The following TLN2 variants were observed in gnomAD, a reference collection of about 807,000 sequenced individuals.
The protein encoded by TLN2 is talin 2, also known as talin-2.
In TLN2, 118 loss-of-function variants were observed where a neutral mutation model predicts 294.7. That is an observed-to-expected ratio of 0.40 (90% CI 0.34 to 0.47). TLN2 has a LOEUF of 0.47. Among genes scored for constraint, TLN2 ranks in the 20% least tolerant of loss-of-function variants. TLN2 has a pLI of 0.84. For synonymous variants in TLN2, 1,431 were observed against 1,304.5 expected (o/e 1.10, Z -2.09); for missense variants, 3,083 against 3,282.2 (o/e 0.94, Z 1.48).
At chr15:62,581,151 A>AT (rs2044976733) in intron 1 of TLN2, among the ~76,000 whole-genome samples, 1 of 152,148 alleles carries the variant, frequency 6.6e-6, no homozygotes, top group Non-Finnish European at 1.5e-5. Flanking sequence ...AAGTGCCATG[A>AT]TTACAGGTGT....
intron 1 of TLN2, among the ~76,000 whole-genome samples, chr15:62,448,817 T>A (rs1298361788): frequency 6.6e-6 from 1 of 152,320 alleles, no homozygotes; most frequent in Non-Finnish European, 1.5e-5. Flanking sequence ...ACTGACCTAG[T>A]TTAAAATGTT....
intron 1 of TLN2, among the ~76,000 whole-genome samples, chr15:62,421,489 C>T (rs2034387850): frequency 1.3e-5 from 2 of 152,130 alleles, no homozygotes; most frequent in South Asian, 4.1e-4. Flanking sequence ...GAATACTATA[C>T]AGCCATAAAA....
chr15:62,450,559 G>A (rs1322274373), intron 1 of TLN2, among the ~76,000 whole-genome samples: 197 of 145,216 alleles, frequency 1.4e-3, no homozygotes, highest in Admixed American at 4.2e-3. Context: ...GTGTGTGTGT[G>A]TGTGTGTGTG....
chr15:62,604,239 G>A (rs1459659377), intron 2 of TLN2, among the ~76,000 whole-genome samples: 3 of 152,102 alleles, frequency 2.0e-5, no homozygotes, highest in African/African-American at 4.8e-5. Context: ...TGTCAAGGCG[G>A]GGCATGGTGG....
At chr15:62,775,738 A>G (rs1231765564) in intron 42 of TLN2, among the ~76,000 whole-genome samples, 3 of 152,220 alleles carry the variant, frequency 2.0e-5, no homozygotes, top group Admixed American at 2.0e-4. Flanking sequence ...GCCTTTTGAA[A>G]GGGTCTACTT....
At chr15:62,710,857 C>T (rs530760122) in intron 21 of TLN2, among the ~76,000 whole-genome samples, 1 of 150,236 alleles carries the variant, frequency 6.7e-6, no homozygotes, top group African/African-American at 2.4e-5. Flanking sequence ...TCCTGAGTAG[C>T]TGGCACTACA....
intron 2 of TLN2, among the ~76,000 whole-genome samples, chr15:62,595,732 C>G (rs1324109212): frequency 6.6e-6 from 1 of 152,084 alleles, no homozygotes; most frequent in African/African-American, 2.4e-5. Context: ...ATTCAGCCTT[C>G]AAGGAAATTG....
At chr15:62,575,949 A>G (rs1567126962) in intron 1 of TLN2, among the ~76,000 whole-genome samples, 1 of 152,086 alleles carries the variant, frequency 6.6e-6, no homozygotes. Flanking sequence ...GTCAGATGTA[A>G]TTTTGTCTTA....
chr15:62,435,604 C>T lies in TLN2; in HGVS notation c.-238+44919C>T, dbSNP rs759385344. Among the ~76,000 whole-genome samples the T allele has an allele frequency of 4.6e-5, 7 of 152,254 alleles. No individual in the cohort carries two copies. The South Asian group carries it at 6.2e-4, about 14-fold the overall frequency. Reference sequence around the variant, plus strand: ...TCACCCAGGCTGGAGTGCGATGGCGCGATCTTGGCTCACTGCAACTTCTGC... The same window carrying T: ...TCACCCAGGCTGGAGTGCGATGGCGTGATCTTGGCTCACTGCAACTTCTGC... On this transcript the variant is annotated intron_variant, in intron 1 of 58. Transcript: ENST00000636159.
At chr15:62,780,217 T>G (rs982239580) in intron 43 of TLN2, among the ~76,000 whole-genome samples, 3 of 152,234 alleles carry the variant, frequency 2.0e-5, no homozygotes, top group African/African-American at 7.2e-5. Flanking sequence ...TCTCTTCGCC[T>G]GGAATACCAT....
chr15:62,673,310 C>CTTTT (rs56258541), intron 9 of TLN2, among the ~76,000 whole-genome samples: 9 of 42,896 alleles, frequency 2.1e-4, no homozygotes, highest in African/African-American at 5.2e-4. Context: ...TTAGATGTTG[C>CTTTT]TTTTTTTTTT....
Position 62,597,344 on chromosome 15 carries a change from G to C in TLN2, c.-162+7582G>C, listed in dbSNP as rs28420446. Among the ~76,000 whole-genome samples, 425 of 152,294 alleles carry C rather than the reference G, an allele frequency of 2.8e-3. 4 individuals carry two copies. Among genetic ancestry groups the C allele is most frequent in the African/African-American group, 9.9e-3 (412 of 41,568 alleles). ...CCTCTATTATGATTAAGTAGATGCT[G>C]TTCCCATCGGAACCTAGTTGTAGAG... is the stretch of plus-strand genomic sequence containing the variant. On this transcript the variant is annotated intron_variant, in intron 2 of 58. Transcript: ENST00000636159.
At chr15:62,410,207 A>C (rs1016480216) in intron 1 of TLN2, among the ~76,000 whole-genome samples, 3 of 151,856 alleles carry the variant, frequency 2.0e-5, no homozygotes, top group Non-Finnish European at 4.4e-5. Flanking sequence ...ACGCCATTGC[A>C]CTCCACCTTG....
intron 22 of TLN2, among the ~76,000 whole-genome samples, chr15:62,716,073 T>C (rs979849577): frequency 1.3e-5 from 2 of 152,224 alleles, no homozygotes; most frequent in East Asian, 1.9e-4. Context: ...GGTTAATTTG[T>C]ATGGACAACC....
At chr15:62,739,593 G>A (rs749706331) in intron 31 of TLN2, 48 bp downstream of exon 31, 46 of 1,600,542 alleles carry the variant, frequency 2.9e-5, no homozygotes, top group African/African-American at 4.0e-5. Context: ...CTCTCCTCTC[G>A]GATGGATAAT....
intron 1 of TLN2, among the ~76,000 whole-genome samples, chr15:62,537,689 G>T (rs1042201209): frequency 2.0e-5 from 3 of 152,144 alleles, no homozygotes; most frequent in African/African-American, 7.2e-5. Flanking sequence ...TCTGAGAGGT[G>T]GAATGATGGA....
chr15:62,661,204 C>G (rs1052299898), intron 9 of TLN2, among the ~76,000 whole-genome samples: 1 of 152,168 alleles, frequency 6.6e-6, no homozygotes, highest in Admixed American at 6.5e-5. Context: ...TACTGGTAGA[C>G]TTCAGCTCTT....
intron 32 of TLN2, among the ~76,000 whole-genome samples, chr15:62,744,163 C>T (rs928965738): frequency 6.6e-6 from 1 of 152,144 alleles, no homozygotes; most frequent in African/African-American, 2.4e-5. Context: ...CCCTCCCTTT[C>T]AGGCAGACTC....
chr15:62,595,960 A>G (rs117933642), intron 2 of TLN2, among the ~76,000 whole-genome samples: 199 of 152,330 alleles, frequency 1.3e-3, no homozygotes, highest in East Asian at 8.1e-3. Flanking sequence ...GCTCTGTTGC[A>G]CAGCATGGTG....
Sources: allele counts gnomAD v4.1 joint callset (sites outside exome capture counted in the v4.1 genomes callset), GRCh38; gene constraint gnomAD v4.1.1; transcripts MANE v1.5; gene names NCBI Gene and HGNC (gene_info 2026-07-23, HGNC 2026-07-21).